Variants in USP15 observed in about 807,000 individuals in gnomAD.
USP15 encodes the protein ubiquitin carboxyl-terminal hydrolase 15.
In USP15, 18 loss-of-function variants were observed where a neutral mutation model predicts 127.1. The observed-to-expected ratio is 0.14, with a 90% confidence interval of 0.10 to 0.21. The LOEUF is 0.21. Among genes scored for constraint, USP15 ranks in the 10% least tolerant of loss-of-function variants. USP15 has a pLI of 1.00. For missense variants in USP15, 805 were observed against 1,159.9 expected (o/e 0.69, Z 4.44); for synonymous variants, 364 against 393.7 (o/e 0.92, Z 0.89).
rs568074998 is a variant in USP15 at position 62,287,593 on chromosome 12, T to G, written c.90-6586T>G. 2.1e-3 allele frequency among the ~76,000 whole-genome samples: 318 copies of G among 152,330 alleles called. 2 individuals are homozygous for G. Among genetic ancestry groups the G allele is most frequent in the African/African-American group, 7.3e-3 (303 of 41,584 alleles). On this transcript the variant is annotated intron_variant, in intron 1 of 21. Coordinates refer to ENST00000280377, the MANE Select transcript of USP15 (RefSeq NM_001252078.2). ...AAACTAAGTCACTTTTGTCTATTTTTGTTTTTTGTTGGATTTGTTTTTGAG... is the reference window on the plus strand; with the variant it reads ...AAACTAAGTCACTTTTGTCTATTTTGGTTTTTTGTTGGATTTGTTTTTGAG...
At chr12:62,289,059 A>T (rs2063870418) in intron 1 of USP15, among the ~76,000 whole-genome samples, 1 of 151,998 alleles carries the variant, frequency 6.6e-6, no homozygotes, top group African/African-American at 2.4e-5. Context: ...TCTTTATTTG[A>T]TGAGTCCTTG....
chr12:62,321,138 C>A (rs956273135), intron 4 of USP15, among the ~76,000 whole-genome samples: 2 of 152,014 alleles, frequency 1.3e-5, no homozygotes, highest in African/African-American at 2.4e-5. Flanking sequence ...CCTACATCTC[C>A]TCAGAAAATA....
At chr12:62,292,910 C>T (rs1322931689) in intron 1 of USP15, among the ~76,000 whole-genome samples, 1 of 152,252 alleles carries the variant, frequency 6.6e-6, no homozygotes, top group South Asian at 2.1e-4. Flanking sequence ...TGAGTGGGTG[C>T]TGGGGAATGT....
intron 19 of USP15, 88 bp from the exon 20 acceptor site, chr12:62,396,207 T>G: frequency 3.5e-6 from 3 of 846,864 alleles, no homozygotes; most frequent in Non-Finnish European, 5.4e-6. Context: ...GATATATATA[T>G]GTATGTCAAA....
At chr12:62,401,120 A>G (rs952187976) in intron 20 of USP15, 67 bp from the exon 21 acceptor site, 1 of 1,012,094 alleles carries the variant, frequency 9.9e-7, no homozygotes, top group African/African-American at 1.6e-5. Context: ...AGATGATTAT[A>G]GAGTTTTGAG....
chr12:62,379,643 A>G lies in USP15; in HGVS notation c.916-1847A>G, dbSNP rs1257672873. 3.3e-5 allele frequency among the ~76,000 whole-genome samples: 5 copies of G among 152,158 alleles called. No homozygotes were observed. In the East Asian group the frequency reaches 9.6e-4, roughly 29 times the overall value. ...CTTTATATAATTGCATTAACAGACAATAATGGAATGTTACATTCTTAGCAT... is the reference window on the plus strand; with the variant it reads ...CTTTATATAATTGCATTAACAGACAGTAATGGAATGTTACATTCTTAGCAT... On this transcript the variant is annotated intron_variant, in intron 8 of 21. Transcript: ENST00000280377.
At chr12:62,377,740 A>G (rs2066873557) in intron 8 of USP15, among the ~76,000 whole-genome samples, 2 of 151,986 alleles carry the variant, frequency 1.3e-5, no homozygotes, top group South Asian at 4.2e-4. Context: ...AAAAAAAAAG[A>G]AACCGGCTTC....
At chr12:62,387,559 T>C (rs563226557) in intron 11 of USP15, among the ~76,000 whole-genome samples, 1 of 152,120 alleles carries the variant, frequency 6.6e-6, no homozygotes, top group East Asian at 1.9e-4. Flanking sequence ...GAGAAAGTGG[T>C]CAGCAGTCAT....
intron 6 of USP15, among the ~76,000 whole-genome samples, chr12:62,346,740 A>G (rs528321804): frequency 6.6e-6 from 1 of 152,328 alleles, no homozygotes; most frequent in Non-Finnish European, 1.5e-5. Context: ...GCTCCAGCAC[A>G]ATTGGATAAA....
intron 5 of USP15, among the ~76,000 whole-genome samples, chr12:62,325,591 G>C (rs562101138): frequency 6.6e-6 from 1 of 151,912 alleles, no homozygotes; most frequent in Non-Finnish European, 1.5e-5. Context: ...TGTTTACTTG[G>C]TTTAAGTTTT....
chr12:62,335,544 T>G, intron 6 of USP15: 1 of 1,081,106 alleles, frequency 9.2e-7, no homozygotes, highest in Non-Finnish European at 1.1e-6. Context: ...ATCTCCTCTC[T>G]CCTACATATA....
chr12:62,335,532 T>C (rs575504236), intron 6 of USP15: 1 of 1,109,220 alleles, frequency 9.0e-7, no homozygotes, highest in African/African-American at 1.6e-5. Flanking sequence ...TTTTCTTTTA[T>C]TATCTCCTCT....
intron 2 of USP15, among the ~76,000 whole-genome samples, chr12:62,297,573 TCAA>T (rs2064170733): frequency 6.6e-6 from 1 of 151,906 alleles, no homozygotes; most frequent in African/African-American, 2.4e-5. Context: ...AAAAAGGAAA[TCAA>T]CAAATCCTTC....
intron 8 of USP15, among the ~76,000 whole-genome samples, chr12:62,359,874 T>C (rs1202738115): frequency 6.6e-6 from 1 of 152,166 alleles, no homozygotes; most frequent in Non-Finnish European, 1.5e-5. Flanking sequence ...TGAGTAGTTA[T>C]GATTATAGGC....
At chr12:62,294,560 A>T (rs2064072595) in intron 2 of USP15, 2 of 253,064 alleles carry the variant, frequency 7.9e-6, no homozygotes, top group East Asian at 1.8e-4. Context: ...TGAAGAACTG[A>T]TTTCTTCATT....
chr12:62,290,262 T>A (rs1312976228), intron 1 of USP15, among the ~76,000 whole-genome samples: 1 of 152,210 alleles, frequency 6.6e-6, no homozygotes, highest in Non-Finnish European at 1.5e-5. Context: ...TTCTTAGGTC[T>A]AGTAATATTA....
intron 8 of USP15, among the ~76,000 whole-genome samples, chr12:62,372,067 A>C (rs2066690287): frequency 6.6e-6 from 1 of 152,194 alleles, no homozygotes; most frequent in South Asian, 2.1e-4. Context: ...AAAAAAAATT[A>C]GTTCTTTCAC....
intron 3 of USP15, 109 bp from the exon 4 acceptor site, chr12:62,314,681 G>T: frequency 2.8e-6 from 3 of 1,072,656 alleles, no homozygotes; most frequent in Non-Finnish European, 3.7e-6. Context: ...ATAGTGACTG[G>T]TTTTTCACTG....
intron 1 of USP15, among the ~76,000 whole-genome samples, chr12:62,289,894 A>C (rs1592508453): frequency 6.6e-6 from 1 of 152,024 alleles, no homozygotes; most frequent in Non-Finnish European, 1.5e-5. Context: ...CATGTTGCTG[A>C]ATTTCCATGT....
Sources: gnomAD v4.1 joint callset for allele counts (sites outside exome capture counted in the v4.1 genomes callset) on GRCh38, gnomAD v4.1.1 for gene constraint, MANE v1.5 for transcripts, NCBI Gene and HGNC (gene_info 2026-07-23, HGNC 2026-07-21) for gene names.